Variants in RACGAP1 observed in about 807,000 individuals in gnomAD.
RACGAP1 encodes the protein rac GTPase-activating protein 1.
RACGAP1 carries 30 observed loss-of-function variants against 78.1 expected under a neutral mutation model. The observed-to-expected ratio is 0.38, with a 90% CI of 0.29 to 0.52. The LOEUF is 0.52. Among genes scored for constraint, RACGAP1 ranks in the 20% least tolerant of loss-of-function variants. The pLI is 0.82. For missense variants in RACGAP1, 587 were observed against 777.1 expected (o/e 0.76, Z 2.91); for synonymous variants, 231 against 264.8 (o/e 0.87, Z 1.24).
intron 3 of RACGAP1, among the ~76,000 whole-genome samples, chr12:50,005,772 A>G (rs1948938432): frequency 6.6e-6 from 1 of 152,240 alleles, no homozygotes; most frequent in Non-Finnish European, 1.5e-5. Context: ...CTCTCAAAGT[A>G]GTGGAGCAAA....
intron 8 of RACGAP1, 43 bp downstream of exon 8, chr12:49,999,573 T>C (rs200805928): frequency 8.5e-6 from 13 of 1,537,162 alleles, no homozygotes; most frequent in African/African-American, 2.7e-5. Context: ...AAAATTTTGC[T>C]AGTTGTTTTA....
intron 15 of RACGAP1, among the ~76,000 whole-genome samples, chr12:49,991,472 TA>T (rs1305330464): frequency 2.2e-4 from 7 of 31,752 alleles, no homozygotes; most frequent in African/African-American, 4.7e-4. Context: ...TATATATATA[TA>T]TATATATTTT....
intron 1 of RACGAP1, among the ~76,000 whole-genome samples, chr12:50,018,286 CAA>C: frequency 6.6e-6 from 1 of 152,062 alleles, no homozygotes; most frequent in African/African-American, 2.4e-5. Context: ...AGCCTGGATG[CAA>C]CATATACCTG....
chr12:50,031,567 C>G (rs1462210670), intron 2 of RACGAP1: 1 of 422,692 alleles, frequency 2.4e-6, no homozygotes, highest in African/African-American at 2.2e-5. Context: ...ACTGCCCAAC[C>G]CTCGTTTGCA....
intron 2 of RACGAP1, among the ~76,000 whole-genome samples, chr12:50,012,709 A>G (rs1254183016): frequency 1.3e-5 from 2 of 151,716 alleles, no homozygotes; most frequent in African/African-American, 4.8e-5. Context: ...TAGTGAGCTG[A>G]GATCGTACCA....
chr12:49,994,190 C>T lies in RACGAP1; in HGVS notation c.1280G>A (p.Arg427Gln), dbSNP rs1379024325. The T allele has an allele frequency of 2.5e-6, 4 of 1,613,932 alleles. No homozygotes were observed. Among genetic ancestry groups the T allele is most frequent in the South Asian group, 1.1e-5 (1 of 91,072 alleles). Residue 427 changes from arginine to glutamine, a missense_variant, in exon 12 of 17, where the codon CGA becomes CAA. By Grantham distance (43) the Arg-to-Gln change is conservative. Transcript: ENST00000312377. ...GGTCAGAAGAGGTTCTTTGAGGTTT[C>T]GAAGAAAGTCTTTTAGAAGGCTACA... The part of the protein sequence containing the change: ...AICSLLKDFL[R>Q]NLKEPLLTFR...
At chr12:50,022,810 C>T (rs568788961) in intron 1 of RACGAP1, among the ~76,000 whole-genome samples, 78 of 152,218 alleles carry the variant, frequency 5.1e-4, no homozygotes, top group Middle Eastern at 3.4e-3. Flanking sequence ...CTTCTTTGGA[C>T]GTTTAGGTCA....
At chr12:50,029,892 CA>C (rs1310121793), upstream of RACGAP1, among the ~76,000 whole-genome samples, 5 of 151,472 alleles carry the variant, frequency 3.3e-5, no homozygotes, top group Admixed American at 2.0e-4. Context: ...GACTCCGTCT[CA>C]AAAAAAATAA....
chr12:50,009,427 T>C (rs999782303), intron 2 of RACGAP1, among the ~76,000 whole-genome samples: 1 of 151,446 alleles, frequency 6.6e-6, no homozygotes, highest in African/African-American at 2.4e-5. Flanking sequence ...ATTTGGTTCA[T>C]AGCTCAGCAA....
chr12:50,008,134 A>G (rs1443203876), intron 2 of RACGAP1, among the ~76,000 whole-genome samples: 2 of 143,024 alleles, frequency 1.4e-5, no homozygotes, highest in Non-Finnish European at 3.0e-5. Flanking sequence ...TACCTGATTA[A>G]TATATTACTT....
upstream of RACGAP1, among the ~76,000 whole-genome samples, chr12:50,025,949 T>C (rs1950256961): frequency 3.9e-5 from 6 of 152,138 alleles, no homozygotes; most frequent in African/African-American, 1.4e-4. Flanking sequence ...TGAGCCCACA[T>C]CATCACAAGC....
chr12:50,020,159 G>A (rs1174956380), intron 1 of RACGAP1, among the ~76,000 whole-genome samples: 1 of 152,074 alleles, frequency 6.6e-6, no homozygotes, highest in African/African-American at 2.4e-5. Context: ...GACACTTCAC[G>A]TACACTTTTT....
intron 2 of RACGAP1, among the ~76,000 whole-genome samples, chr12:50,031,540 C>G (rs1196397611): frequency 1.3e-5 from 2 of 150,096 alleles, no homozygotes; most frequent in Non-Finnish European, 3.0e-5. Context: ...GCTGCTTTTG[C>G]TCGCCCTTCT....
intron 2 of RACGAP1, among the ~76,000 whole-genome samples, chr12:50,015,846 T>A (rs1243766741): frequency 1.3e-5 from 2 of 150,348 alleles, no homozygotes; most frequent in East Asian, 1.9e-4. Flanking sequence ...AAATTTTTTT[T>A]AAAGTAGCTG....
intron 2 of RACGAP1, among the ~76,000 whole-genome samples, chr12:50,007,496 A>C (rs1949042077): frequency 6.6e-6 from 1 of 152,214 alleles, no homozygotes; most frequent in Admixed American, 6.5e-5. Flanking sequence ...CTCTCCACCA[A>C]CATCAAGGAA....
chr12:50,003,023 CAAA>C (rs11326258), intron 5 of RACGAP1, among the ~76,000 whole-genome samples: 4 of 64,136 alleles, frequency 6.2e-5, no homozygotes. Flanking sequence ...GACTCTGTCT[CAAA>C]AAAAAAAAAA....
intron 2 of RACGAP1, among the ~76,000 whole-genome samples, chr12:50,007,732 C>A (rs1949054725): frequency 6.6e-6 from 1 of 152,000 alleles, no homozygotes; most frequent in African/African-American, 2.4e-5. Flanking sequence ...TCCAGAAAAA[C>A]CAAGTAATAA....
chr12:50,018,964 C>G (rs1188236260), intron 1 of RACGAP1, among the ~76,000 whole-genome samples: 4 of 152,084 alleles, frequency 2.6e-5, no homozygotes, highest in African/African-American at 7.2e-5. Context: ...GCCTCAGCCT[C>G]CTGACACTGT....
Position 49,990,274 on chromosome 12 carries a change from G to A in RACGAP1, c.1893C>T (p.Leu631=), listed in dbSNP as rs774897072. Residue 631 remains leucine (L), a synonymous_variant, in exon 17 of 17, where the codon CTC becomes CTT. Transcript: ENST00000312377. ...GTAACAGGCAGATGTGACTTCACTTGAGCATTGGAGAAGCAAAAAAGTTGC... is the reference window on the plus strand; with the variant it reads ...GTAACAGGCAGATGTGACTTCACTTAAGCATTGGAGAAGCAAAAAAGTTGC... ...RQGNFFASPM[L]K is the part of the protein sequence containing the mutation. 6.2e-7 allele frequency: 1 copy of A among 1,612,748 alleles called. No individual in the cohort carries two copies. The highest frequency in any genetic ancestry group is 2.2e-5 in the East Asian group (1 of 44,872).
Sources: allele counts gnomAD v4.1 joint callset (sites outside exome capture counted in the v4.1 genomes callset), GRCh38; gene constraint gnomAD v4.1.1; transcripts MANE v1.5; gene names NCBI Gene and HGNC (gene_info 2026-07-23, HGNC 2026-07-21).